CDK5RAP2: variants seen among roughly 807,000 people sequenced by gnomAD.
CDK5RAP2 encodes the protein CDK5 regulatory subunit-associated protein 2.
CDK5RAP2 carries 147 observed loss-of-function variants against 232.9 expected under a neutral mutation model. That is an observed-to-expected ratio of 0.63 (90% CI 0.55 to 0.72). CDK5RAP2 has a LOEUF of 0.72. Ranked by LOEUF, CDK5RAP2 falls within the 30% of genes least tolerant of loss-of-function variation. The pLI, the probability that CDK5RAP2 is intolerant of heterozygous loss-of-function variation, is 0.00. For synonymous variants in CDK5RAP2, 833 were observed against 833.7 expected (o/e 1.00, Z 0.01); for missense variants, 2,195 against 2,231.5 (o/e 0.98, Z 0.33).
chr9:120,568,787 C>T (rs1019115248), intron 2 of CDK5RAP2, among the ~76,000 whole-genome samples: 3 of 152,192 alleles, frequency 2.0e-5, no homozygotes, highest in Admixed American at 6.5e-5. Flanking sequence ...TTTCTTAAAA[C>T]GCCAGACAAT....
intron 20 of CDK5RAP2, among the ~76,000 whole-genome samples, chr9:120,456,973 T>C (rs1333373825): frequency 6.6e-6 from 1 of 152,210 alleles, no homozygotes; most frequent in Non-Finnish European, 1.5e-5. Flanking sequence ...CCAAGAGACT[T>C]CTCAGAGCCC....
intron 37 of CDK5RAP2, 68 bp downstream of exon 37, chr9:120,389,673 G>A (rs1481288651): frequency 2.1e-6 from 3 of 1,439,946 alleles, no homozygotes; most frequent in Non-Finnish European, 2.9e-6. Context: ...TTTTCAAGAG[G>A]TCCTTTCTGG....
rs1486092112 is a variant in CDK5RAP2, at chr9:120,528,065, C to G, written c.880-140G>C. On this transcript the variant is annotated intron_variant, in intron 9 of 37. Transcript: ENST00000349780. ...CTGTGATTAATGTTTCCAAGTGGAGCTGAACATAGTGCCATCAGCTCCAAG... is the reference window on the plus strand; with the variant it reads ...CTGTGATTAATGTTTCCAAGTGGAGGTGAACATAGTGCCATCAGCTCCAAG... 7 of 1,215,552 alleles carry G rather than the reference C, an allele frequency of 5.8e-6. No homozygotes were observed. In the South Asian group the frequency reaches 6.5e-5, roughly 11 times the overall value. The allele number at this position is 1,215,552 out of a possible 1,614,324, so 75.3% of individuals were successfully genotyped here. A position where few individuals can be genotyped will look rare whatever the true frequency, so the allele number is the denominator to read the frequency against.
chr9:120,497,672 G>A (rs2039375166), intron 12 of CDK5RAP2, among the ~76,000 whole-genome samples: 1 of 152,148 alleles, frequency 6.6e-6, no homozygotes, highest in Non-Finnish European at 1.5e-5. Context: ...AATACACTAA[G>A]AAGAGCACAT....
At chr9:120,430,887 A>G (rs1348592011) in intron 25 of CDK5RAP2, among the ~76,000 whole-genome samples, 1 of 152,252 alleles carries the variant, frequency 6.6e-6, no homozygotes, top group Non-Finnish European at 1.5e-5. Context: ...GATAGACTGG[A>G]GTAAGAAAAT....
chr9:120,480,456 T>C (rs963053891), intron 14 of CDK5RAP2, among the ~76,000 whole-genome samples: 1 of 152,220 alleles, frequency 6.6e-6, no homozygotes, highest in Non-Finnish European at 1.5e-5. Flanking sequence ...ATTTTGTATA[T>C]GTTGCAGATA....
intron 12 of CDK5RAP2, among the ~76,000 whole-genome samples, chr9:120,498,538 C>A (rs1216283458): frequency 6.6e-6 from 1 of 152,102 alleles, no homozygotes; most frequent in Non-Finnish European, 1.5e-5. Flanking sequence ...GGAAAACTGG[C>A]AGAATTCAAA....
In CDK5RAP2 at chr9:120,419,890, G is replaced by A. The variant is rs2034462994; in HGVS notation, c.4075C>T (p.Leu1359Phe). 6.2e-7 allele frequency: 1 copy of A among 1,613,688 alleles called. No individual in the cohort carries two copies. The highest frequency in any genetic ancestry group is 8.5e-7 in the Non-Finnish European group (1 of 1,179,574). Residue 1359 changes from leucine (L) to phenylalanine (F), a missense_variant, in exon 27 of 38, where the codon CTC becomes TTC. Coordinates refer to ENST00000349780, the MANE Select transcript of CDK5RAP2 (RefSeq NM_018249.6). ...TTTTCAGATGTTTCATAATCAGAGA[G>A]CGCATGAGAGGCTGAAGGCTCAGGA... ...ESPEPSASHA[L>F]SDYETSEKSF...
intron 10 of CDK5RAP2, among the ~76,000 whole-genome samples, chr9:120,527,257 T>C (rs936434628): frequency 6.6e-6 from 1 of 152,214 alleles, no homozygotes; most frequent in Non-Finnish European, 1.5e-5. Context: ...GGCAGCTCTT[T>C]AACTGGCTCA....
intron 12 of CDK5RAP2, among the ~76,000 whole-genome samples, chr9:120,508,629 A>AC (rs943189568): frequency 6.6e-6 from 1 of 152,026 alleles, no homozygotes; most frequent in Non-Finnish European, 1.5e-5. Flanking sequence ...TCATTCATGG[A>AC]CCCCAAACCT....
chr9:120,471,862 C>T lies in CDK5RAP2; in HGVS notation c.1744G>A (p.Ala582Thr). 1 of 1,614,074 alleles carries T rather than the reference C, an allele frequency of 6.2e-7. No individual in the cohort carries two copies. Among genetic ancestry groups the T allele is most frequent in the Non-Finnish European group, 8.5e-7 (1 of 1,179,946 alleles). The change falls in exon 16 of 38, where the codon GCT becomes ACT. Residue 582 changes from alanine (A) to threonine (T), a missense_variant. Transcript: ENST00000349780. ...QESDSINNLQ[A>T]ELNKIFALRK... ...AGGGCAAAAATCTTGTTTAACTCAG[C>T]CTGCAGGTTGTTGATACTTGGTAAA...
Position 120,458,564 on chromosome 9 carries a change from G to C in CDK5RAP2, c.2261C>G (p.Ser754Cys), listed in dbSNP as rs944251209. 6.8e-6 allele frequency: 11 copies of C among 1,614,022 alleles called. No homozygotes were observed. The highest frequency in any genetic ancestry group is 9.3e-6 in the Non-Finnish European group (11 of 1,180,016). The part of the protein sequence containing the change: ...CKNGYLRHTE[S>C]KISDCDGAHA... ...GGCCCCATCACAATCTGAAATCTTA[G>C]ACTCCGTGTGCCTTAAGTATCCATT... The change falls in exon 20 of 38, where the codon TCT becomes TGT. Residue 754 changes from serine (S) to cysteine (C), a missense_variant. Transcript: ENST00000349780.
At chr9:120,435,533 C>A (rs1329169680) in intron 25 of CDK5RAP2, among the ~76,000 whole-genome samples, 2 of 151,128 alleles carry the variant, frequency 1.3e-5, no homozygotes, top group East Asian at 1.9e-4. Flanking sequence ...ACAATGATAC[C>A]CTCGTAGCAA....
In CDK5RAP2 at chr9:120,506,212, CTG is replaced by C. The variant is rs201362144; in HGVS notation, c.1311+12213_1311+12214del. Among the ~76,000 whole-genome samples the C allele has an allele frequency of 9.3e-3, 1,420 of 152,344 alleles. 20 individuals carry two copies. The highest frequency in any genetic ancestry group is 0.032 in the African/African-American group (1,327 of 41,574). Reference sequence around the variant, plus strand: ...AAAAATTATGCAAAATCTACTCTATCTGTGCTCTACAATGGAACAACAAAGCC... The same window carrying C: ...AAAAATTATGCAAAATCTACTCTATCTGCTCTACAATGGAACAACAAAGCC... On this transcript the variant is annotated intron_variant, in intron 12 of 37. Coordinates refer to ENST00000349780, the MANE Select transcript of CDK5RAP2 (RefSeq NM_018249.6).
chr9:120,517,933 A>G (rs1030081656), intron 12 of CDK5RAP2: 1 of 269,268 alleles, frequency 3.7e-6, no homozygotes. Flanking sequence ...ATATTTATGT[A>G]CAAGGATGTT....
chr9:120,405,870 T>C (rs560090233), intron 32 of CDK5RAP2, among the ~76,000 whole-genome samples: 5 of 152,192 alleles, frequency 3.3e-5, no homozygotes, highest in Admixed American at 6.5e-5. Context: ...GGAACATGTA[T>C]GATGTAATAT....
chr9:120,413,834 G>A (rs12004260), intron 28 of CDK5RAP2, among the ~76,000 whole-genome samples: 4 of 148,854 alleles, frequency 2.7e-5, no homozygotes, highest in South Asian at 2.1e-4. Flanking sequence ...GGAGGGAGGA[G>A]GGAGGAGGGA....
rs566743210 is a variant in CDK5RAP2, at chr9:120,446,560, C to T, written c.3025+1335G>A. Among the ~76,000 whole-genome samples, 4 of 152,278 alleles carry T rather than the reference C, an allele frequency of 2.6e-5. No individual in the cohort carries two copies. The East Asian group carries it at 5.8e-4, about 22-fold the overall frequency. On this transcript the variant is annotated intron_variant, in intron 22 of 37. Transcript: ENST00000349780. ...CCACTTTAAGGCTTAAGTCAAATCA[C>T]GACTCTGCTGCTCAAAACCCTCCAA...
At position 120,403,230 on chromosome 9, in the gene CDK5RAP2, C is replaced by T; in HGVS notation, c.5042-159G>A. 1.5e-6 allele frequency: 1 copy of T among 666,034 alleles called. No homozygotes were observed. 41.3% of individuals were successfully genotyped at this position (666,034 alleles called of 1,614,324 possible). A position where few individuals can be genotyped will look rare whatever the true frequency, so the allele number is the denominator to read the frequency against. ...GGGGAAAAGAGGCACGCTCCTGGACCTCTGTATATTACCCCACACTGGGCT... is the reference window on the plus strand; with the variant it reads ...GGGGAAAAGAGGCACGCTCCTGGACTTCTGTATATTACCCCACACTGGGCT... On this transcript the variant is annotated intron_variant, in intron 33 of 37. Coordinates refer to ENST00000349780, the MANE Select transcript of CDK5RAP2 (RefSeq NM_018249.6). This position sits in a 1 kb window ranked among gnomAD's most constrained non-coding sequence, Gnocchi z 4.2.
Sources: gnomAD v4.1 joint callset for allele counts (sites outside exome capture counted in the v4.1 genomes callset) on GRCh38, gnomAD v4.1.1 for gene constraint, Gnocchi (gnomAD v3.1) non-coding constraint, MANE v1.5 for transcripts, NCBI Gene and HGNC (gene_info 2026-07-23, HGNC 2026-07-21) for gene names.